The following NINL variants were observed in gnomAD, a reference collection of about 807,000 sequenced individuals.
NINL encodes the protein ninein-like protein.
Under a neutral mutation model 160.3 loss-of-function variants are expected in NINL, and 153 were observed. The observed-to-expected ratio is 0.95, with a 90% CI of 0.84 to 1.09. NINL has a LOEUF of 1.09. Among genes scored for constraint, NINL ranks in the 50% least tolerant of loss-of-function variants. NINL has a pLI of 0.00. For synonymous variants in NINL, 800 were observed against 734.8 expected (o/e 1.09, Z -1.43); for missense variants, 1,829 against 1,764.0 (o/e 1.04, Z -0.66).
Position 25,547,265 on chromosome 20 carries a change from G to A in NINL, c.-11-20667C>T, listed in dbSNP as rs566296903. ...GGATAATCCCACCCCCAGCCTCCAG[G>A]GTGGGCGGGGCTGCAGCTAAACCCC... On this transcript the variant is annotated intron_variant, in intron 1 of 23. Coordinates refer to ENST00000278886, the MANE Select transcript of NINL (RefSeq NM_025176.6). 2.0e-5 allele frequency among the ~76,000 whole-genome samples: 3 copies of A among 152,184 alleles called. No homozygotes were observed. In the East Asian group the frequency reaches 5.8e-4, roughly 29 times the overall value.
intron 17 of NINL, among the ~76,000 whole-genome samples, chr20:25,473,742 C>T (rs2063166829): frequency 6.6e-6 from 1 of 151,574 alleles, no homozygotes; most frequent in Non-Finnish European, 1.5e-5. Context: ...GTGGTGGGCA[C>T]ATGTAATCCC....
At chr20:25,569,653 C>T (rs73337366) in intron 1 of NINL, among the ~76,000 whole-genome samples, 11,011 of 152,216 alleles carry the variant, frequency 0.072, 569 homozygotes, top group African/African-American at 0.14. Context: ...ATGTTCTGAG[C>T]GACACCTGAG....
At chr20:25,533,247 C>T (rs1400259078) in intron 1 of NINL, among the ~76,000 whole-genome samples, 2 of 152,048 alleles carry the variant, frequency 1.3e-5, no homozygotes, top group South Asian at 2.1e-4. Context: ...TGATGCCAGG[C>T]GGATGTGGGA....
chr20:25,471,689 G>A (rs1306440949), intron 17 of NINL, among the ~76,000 whole-genome samples: 1 of 152,246 alleles, frequency 6.6e-6, no homozygotes, highest in East Asian at 1.9e-4. Flanking sequence ...CAATGCCTAT[G>A]TGTCAGCACT....
chr20:25,476,648 TTGCCTGCGGCGAGGCCCGGCTCC>T lies in NINL; in HGVS notation c.2620_2642del (p.Gly874SerfsTer92). On this transcript the variant is annotated frameshift_variant, in exon 17 of 24. Coordinates refer to ENST00000278886, the MANE Select transcript of NINL (RefSeq NM_025176.6). LOFTEE classifies it high-confidence loss of function. ...TCTGCGTAGCTTCTGTGTCCTGGGC[TTGCCTGCGGCGAGGCCCGGCTCC>T]TGCCGCCTCCTCAGACTCTCTGCCA... 1 of 1,588,650 alleles carries T rather than the reference TTGCCTGCGGCGAGGCCCGGCTCC, an allele frequency of 6.3e-7. No homozygotes were observed. The highest frequency in any genetic ancestry group is 8.5e-7 in the Non-Finnish European group (1 of 1,173,724).
At chr20:25,533,597 G>C (rs1219473255) in intron 1 of NINL, among the ~76,000 whole-genome samples, 2 of 152,196 alleles carry the variant, frequency 1.3e-5, no homozygotes, top group African/African-American at 2.4e-5. Context: ...ATAGACCCAT[G>C]GAACAGAATA....
chr20:25,508,153 A>G (rs966927634), intron 5 of NINL, among the ~76,000 whole-genome samples: 3 of 152,228 alleles, frequency 2.0e-5, no homozygotes, highest in Non-Finnish European at 4.4e-5. Context: ...CCACAGCTGG[A>G]AGCTCAGGTC....
intron 17 of NINL, among the ~76,000 whole-genome samples, chr20:25,472,387 A>G (rs190681752): frequency 0.014 from 1,767 of 128,072 alleles, 39 homozygotes; most frequent in African/African-American, 0.048. Context: ...TGTTTTTGAG[A>G]CGGAGTTTTG....
intron 1 of NINL, among the ~76,000 whole-genome samples, chr20:25,550,789 C>T (rs996345965): frequency 3.3e-5 from 5 of 152,188 alleles, no homozygotes; most frequent in African/African-American, 7.2e-5. Flanking sequence ...ATAGAATGTA[C>T]GATCAGGTTT....
At chr20:25,542,570 T>C (rs2147060782) in intron 1 of NINL, among the ~76,000 whole-genome samples, 1 of 151,984 alleles carries the variant, frequency 6.6e-6, no homozygotes, top group South Asian at 2.1e-4. Context: ...AGACTCATTA[T>C]AGCCATATGG....
At chr20:25,512,424 G>T (rs2064086901) in intron 4 of NINL, among the ~76,000 whole-genome samples, 1 of 152,216 alleles carries the variant, frequency 6.6e-6, no homozygotes, top group South Asian at 2.1e-4. Context: ...AAGGATTCAT[G>T]ATAGTGAGTT....
intron 7 of NINL, among the ~76,000 whole-genome samples, chr20:25,503,589 G>A (rs1264010756): frequency 2.0e-5 from 3 of 151,288 alleles, no homozygotes; most frequent in Non-Finnish European, 4.4e-5. Flanking sequence ...CCTGAGCACT[G>A]CCTTCTGTTG....
At chr20:25,480,528 G>A (rs773826490) in intron 14 of NINL, among the ~76,000 whole-genome samples, 3 of 152,138 alleles carry the variant, frequency 2.0e-5, no homozygotes, top group Non-Finnish European at 4.4e-5. Context: ...CTGTGCTATG[G>A]TACATTTACT....
Position 25,544,582 on chromosome 20 carries a change from A to AT in NINL, c.-11-17985_-11-17984insA, listed in dbSNP as rs142019472. Among the ~76,000 whole-genome samples the AT allele has an allele frequency of 7.7e-3, 1,174 of 152,304 alleles. 7 individuals are homozygous for AT. Among genetic ancestry groups the AT allele is most frequent in the Middle Eastern group, 0.031 (9 of 294 alleles). ...GAGGCCATGTTCAGTCCCAGGGGCC[A>AT]AGTCTTTGTTTCAGATGCACGGGTC... On this transcript the variant is annotated intron_variant, in intron 1 of 23. Transcript: ENST00000278886.
At chr20:25,536,165 T>A (rs1187359945) in intron 1 of NINL, among the ~76,000 whole-genome samples, 5 of 152,092 alleles carry the variant, frequency 3.3e-5, no homozygotes, top group Non-Finnish European at 1.5e-5. Context: ...CCCAAGAGAC[T>A]ATATAACCCA....
intron 15 of NINL, among the ~76,000 whole-genome samples, chr20:25,479,411 C>T (rs957324107): frequency 6.6e-6 from 1 of 152,162 alleles, no homozygotes; most frequent in South Asian, 2.1e-4. Context: ...AGTCACCTAT[C>T]CCCCCTGAGG....
chr20:25,506,929 C>T (rs1443016403), intron 5 of NINL, among the ~76,000 whole-genome samples: 1 of 152,200 alleles, frequency 6.6e-6, no homozygotes, highest in East Asian at 1.9e-4. Flanking sequence ...CGCAATGCCA[C>T]TATCATACCT....
intron 20 of NINL, 36 bp from the exon 21 acceptor site, chr20:25,461,671 T>C: frequency 1.5e-6 from 2 of 1,347,818 alleles, no homozygotes; most frequent in Non-Finnish European, 2.1e-6. Flanking sequence ...AGTCAAGAAG[T>C]ATCTGAAGAG....
At chr20:25,564,615 G>A (rs1287499206) in intron 1 of NINL, among the ~76,000 whole-genome samples, 2 of 151,248 alleles carry the variant, frequency 1.3e-5, no homozygotes, top group Admixed American at 6.6e-5. Context: ...ACCGCGCCCG[G>A]CCAATTTTTG....
Sources: allele counts gnomAD v4.1 joint callset (sites outside exome capture counted in the v4.1 genomes callset), GRCh38; gene constraint gnomAD v4.1.1; transcripts MANE v1.5; gene names NCBI Gene and HGNC (gene_info 2026-07-23, HGNC 2026-07-21).